The following FZD3 variants were observed in gnomAD, a reference collection of about 807,000 sequenced individuals.
FZD3 encodes the protein frizzled-3.
In FZD3, 30 loss-of-function variants were observed where a neutral mutation model predicts 60.7. That is an observed-to-expected ratio of 0.49 (90% confidence interval 0.37 to 0.67). FZD3 has a LOEUF of 0.67. FZD3 is among the 30% of genes least tolerant of loss of function. FZD3 has a pLI of 0.00. For missense variants in FZD3, 605 were observed against 838.7 expected (o/e 0.72, Z 3.44); for synonymous variants, 246 against 275.2 (o/e 0.89, Z 1.05).
chr8:28,503,239 A>G, intron 3 of FZD3, 37 bp downstream of exon 3: 2 of 1,373,248 alleles, frequency 1.5e-6, no homozygotes, highest in African/African-American at 1.4e-5. Flanking sequence ...ATCTTAGTAA[A>G]TGACTCTTGT....
intron 5 of FZD3, among the ~76,000 whole-genome samples, chr8:28,536,687 C>T (rs554622253): frequency 1.3e-5 from 2 of 152,056 alleles, no homozygotes; most frequent in South Asian, 2.1e-4. Flanking sequence ...CCAGCCTGGG[C>T]GACAGGGAGA....
intron 6 of FZD3, among the ~76,000 whole-genome samples, chr8:28,553,872 C>T (rs1271372503): frequency 6.6e-6 from 1 of 152,210 alleles, no homozygotes; most frequent in African/African-American, 2.4e-5. Context: ...AAGCACTGTT[C>T]TAAGCACTTT....
At chr8:28,559,053 C>T (rs540287894) in intron 7 of FZD3, among the ~76,000 whole-genome samples, 2 of 152,096 alleles carry the variant, frequency 1.3e-5, no homozygotes, top group South Asian at 4.2e-4. Flanking sequence ...CAGATTGGTT[C>T]GTGAAAGTAT....
chr8:28,515,960 A>G (rs1287389267), intron 3 of FZD3, among the ~76,000 whole-genome samples: 1 of 152,154 alleles, frequency 6.6e-6, no homozygotes, highest in Non-Finnish European at 1.5e-5. Flanking sequence ...TTGGTTTCAT[A>G]TCTAAGAAAC....
At position 28,572,646 on chromosome 8, in the gene FZD3, A is replaced by C. The variant is rs1805827237; in HGVS notation, c.*9635A>C. ...TCATCTGTAAGTATCATTTAGAGGC[A>C]AAATAATTTCCCCCTCACATCTAAT... On this transcript the variant is annotated 3_prime_UTR_variant, in exon 8 of 8. Coordinates refer to ENST00000240093, the MANE Select transcript of FZD3 (RefSeq NM_017412.4). 1.3e-5 allele frequency: 2 copies of C among 152,184 alleles called. No homozygotes were observed. The highest frequency in any genetic ancestry group is 4.1e-4 in the South Asian group (2 of 4,832). 9.4% of individuals were successfully genotyped at this position (152,184 alleles called of 1,614,324 possible).
intron 5 of FZD3, among the ~76,000 whole-genome samples, chr8:28,548,256 C>A (rs1228922012): frequency 2.6e-5 from 4 of 151,926 alleles, no homozygotes; most frequent in Non-Finnish European, 5.9e-5. Context: ...TTTATGGTTT[C>A]TTTTTTGTTG....
chr8:28,538,563 C>T (rs1585984964), intron 5 of FZD3, among the ~76,000 whole-genome samples: 1 of 152,258 alleles, frequency 6.6e-6, no homozygotes, highest in Admixed American at 6.5e-5. Context: ...ACAGACTTAA[C>T]ATCATTTTAC....
At position 28,567,722 on chromosome 8, in the gene FZD3, T is replaced by G. The variant is rs1178895757; in HGVS notation, c.*4711T>G. ...TACAGTCTTTAAATCGGTCATCCAA[T>G]TAACCTTTAAAAAGTAGGTTATGCT... On this transcript the variant is annotated 3_prime_UTR_variant, in exon 8 of 8. Transcript: ENST00000240093. The G allele has an allele frequency of 1.3e-5, 2 of 152,352 alleles. No homozygotes were observed. Among genetic ancestry groups the G allele is most frequent in the South Asian group, 2.1e-4 (1 of 4,830 alleles). 9.4% of individuals were successfully genotyped at this position (152,352 alleles called of 1,614,324 possible).
chr8:28,499,786 G>T (rs1803942755), intron 1 of FZD3, 147 bp from the exon 2 acceptor site: 1 of 151,472 alleles, frequency 6.6e-6, no homozygotes. Context: ...ATGTTTCTTG[G>T]CTGTTTGTAT....
In FZD3 at chr8:28,563,127, T is replaced by C. The variant is rs1480537130; in HGVS notation, c.*116T>C. 2.8e-6 allele frequency: 2 copies of C among 718,982 alleles called. No homozygotes were observed. Among genetic ancestry groups the C allele is most frequent in the African/African-American group, 3.5e-5 (2 of 57,212 alleles). The allele number at this position is 718,982 out of a possible 1,614,324, so 44.5% of individuals were successfully genotyped here. On this transcript the variant is annotated 3_prime_UTR_variant, in exon 8 of 8. Coordinates refer to ENST00000240093, the MANE Select transcript of FZD3 (RefSeq NM_017412.4). ...TAACATGCTTTCAGTCAAGTACAGATTGTGTCCACTGGAAAGGTAAATGAT... is the reference window on the plus strand; with the variant it reads ...TAACATGCTTTCAGTCAAGTACAGACTGTGTCCACTGGAAAGGTAAATGAT...
chr8:28,562,756 A>G (rs1317960307), intron 7 of FZD3, 42 bp from the exon 8 acceptor site: 1 of 1,116,484 alleles, frequency 9.0e-7, no homozygotes, highest in Admixed American at 1.9e-5. Flanking sequence ...TATATTTTCT[A>G]GTGTGTTCTG....
rs1356637006 is a variant in FZD3, at chr8:28,564,641, C to T, written c.*1630C>T. The T allele has an allele frequency of 6.6e-6, 1 of 152,118 alleles. No homozygotes were observed. Among genetic ancestry groups the T allele is most frequent in the Non-Finnish European group, 1.5e-5 (1 of 68,006 alleles). The allele number at this position is 152,118 out of a possible 1,614,324, so 9.4% of individuals were successfully genotyped here. On this transcript the variant is annotated 3_prime_UTR_variant, in exon 8 of 8. Coordinates refer to ENST00000240093, the MANE Select transcript of FZD3 (RefSeq NM_017412.4). ...ACCTGATGCCAAATTCTGGGCTGTACTCCTAGAGAGACTTACTCAGTAAGG... is the reference window on the plus strand; with the variant it reads ...ACCTGATGCCAAATTCTGGGCTGTATTCCTAGAGAGACTTACTCAGTAAGG...
chr8:28,511,852 G>A (rs1804298845), intron 3 of FZD3, among the ~76,000 whole-genome samples: 2 of 152,124 alleles, frequency 1.3e-5, no homozygotes, highest in Admixed American at 1.3e-4. Context: ...AGTAGAGCTT[G>A]TCTTTATTCA....
At chr8:28,528,308 A>T (rs1804773362) in intron 5 of FZD3, 144 bp downstream of exon 5, 4 of 635,414 alleles carry the variant, frequency 6.3e-6, no homozygotes, top group Non-Finnish European at 1.1e-5. Flanking sequence ...GATGACAAAT[A>T]TGTTGTAGTA....
At chr8:28,543,312 T>C (rs1805216077) in intron 5 of FZD3, among the ~76,000 whole-genome samples, 1 of 152,212 alleles carries the variant, frequency 6.6e-6, no homozygotes, top group Non-Finnish European at 1.5e-5. Context: ...ATTTATTGAG[T>C]ATAAGCCAGT....
intron 3 of FZD3, among the ~76,000 whole-genome samples, chr8:28,506,678 T>A (rs1338495791): frequency 6.6e-6 from 1 of 152,194 alleles, no homozygotes; most frequent in African/African-American, 2.4e-5. Flanking sequence ...AAAGATTTTT[T>A]TATGATTTAA....
intron 4 of FZD3, among the ~76,000 whole-genome samples, chr8:28,522,060 C>A (rs952052522): frequency 1.3e-5 from 2 of 151,526 alleles, no homozygotes; most frequent in African/African-American, 4.9e-5. Context: ...TGACTTTAAG[C>A]ACAGTGACAT....
chr8:28,499,383 A>G (rs562943320), intron 1 of FZD3, among the ~76,000 whole-genome samples: 1 of 152,276 alleles, frequency 6.6e-6, no homozygotes, highest in African/African-American at 2.4e-5. Flanking sequence ...ATATTCCATC[A>G]TGTGGTTATA....
chr8:28,545,250 T>G (rs761446326), intron 5 of FZD3, among the ~76,000 whole-genome samples: 2 of 152,210 alleles, frequency 1.3e-5, no homozygotes, highest in Admixed American at 6.5e-5. Context: ...GTCCCTTTCC[T>G]CAAATTGTGC....
Sources: allele counts gnomAD v4.1 joint callset (sites outside exome capture counted in the v4.1 genomes callset), GRCh38; gene constraint gnomAD v4.1.1; transcripts MANE v1.5; gene names NCBI Gene and HGNC (gene_info 2026-07-23, HGNC 2026-07-21).